The following CELF2 variants were observed in gnomAD, a reference collection of about 807,000 sequenced individuals.
CELF2 encodes the protein CUG triplet repeat RNA-binding protein 2.
A neutral mutation model predicts 62.6 loss-of-function variants in CELF2; 8 were observed. That is an observed-to-expected ratio of 0.13 (90% CI 0.07 to 0.23). The LOEUF is 0.23. Among genes scored for constraint, CELF2 ranks in the 10% least tolerant of loss-of-function variants. The probability of loss-of-function intolerance (pLI) is 1.00; values close to 1 mark genes in which losing one functional copy is unlikely to be tolerated. For synonymous variants in CELF2, 258 were observed against 250.0 expected (o/e 1.03, Z -0.30); for missense variants, 333 against 671.0 (o/e 0.50, Z 5.56).
chr10:10,855,889 ATGT>A (rs1489019314), intron 1 of CELF2, among the ~76,000 whole-genome samples: 1 of 152,160 alleles, frequency 6.6e-6, no homozygotes, highest in Non-Finnish European at 1.5e-5. Context: ...GCTATCTACT[ATGT>A]GTGATGATTC....
At chr10:11,186,466 A>G (rs537961631) in intron 2 of CELF2, among the ~76,000 whole-genome samples, 1 of 152,228 alleles carries the variant, frequency 6.6e-6, no homozygotes, top group Non-Finnish European at 1.5e-5. Flanking sequence ...ATAATGGTAT[A>G]TAATTCCTCC....
chr10:10,492,459 A>G, the CELF2 span, among the ~76,000 whole-genome samples: 2 of 141,824 alleles, frequency 1.4e-5, no homozygotes, highest in East Asian at 2.2e-4. Context: ...TTAAAGTATA[A>G]TAAATATATA....
chr10:11,122,608 G>A (rs1032642395), intron 1 of CELF2, among the ~76,000 whole-genome samples: 7 of 152,130 alleles, frequency 4.6e-5, no homozygotes, highest in African/African-American at 7.2e-5. Context: ...CTTGATAAAC[G>A]GTTATTAGGA....
At chr10:11,274,954 A>G (rs943978154) in intron 7 of CELF2, 103 bp from the exon 8 acceptor site, 20 of 1,124,170 alleles carry the variant, frequency 1.8e-5, no homozygotes, top group Non-Finnish European at 1.2e-5. Context: ...GGGAGTAGCA[A>G]CCAACCCTGG....
At chr10:11,002,968 G>A (rs1384754142), upstream of CELF2, among the ~76,000 whole-genome samples, 1 of 152,168 alleles carries the variant, frequency 6.6e-6, no homozygotes, top group African/African-American at 2.4e-5. The surrounding 1 kb of genome is among the most constrained non-coding windows in gnomAD (Gnocchi z 4.4). Context: ...TCTAGTGGGT[G>A]CATTAAGAAG....
intron 1 of CELF2, among the ~76,000 whole-genome samples, chr10:11,021,665 A>G (rs2138122059): frequency 6.6e-6 from 1 of 152,314 alleles, no homozygotes. Flanking sequence ...CATTTTACAG[A>G]TGATGCTTAA....
At chr10:10,511,046 G>A in the CELF2 span, among the ~76,000 whole-genome samples, 1 of 152,230 alleles carries the variant, frequency 6.6e-6, no homozygotes, top group South Asian at 2.1e-4. Context: ...CTTGGATTCA[G>A]TTCTGCATGA....
At chr10:11,323,648 T>C (rs2095571371) in intron 11 of CELF2, among the ~76,000 whole-genome samples, 2 of 152,076 alleles carry the variant, frequency 1.3e-5, no homozygotes, top group Admixed American at 1.3e-4. Context: ...TCCCCAGTTC[T>C]TTATGCCAGA....
chr10:11,334,896 T>C lies in CELF2; in HGVS notation c.*5843T>C, dbSNP rs934443407. ...AACTTAAGTCTATTATTTGTTGCCCTCAATCAAAAGATATGTATAGAAAAG... is the reference window on the plus strand; with the variant it reads ...AACTTAAGTCTATTATTTGTTGCCCCCAATCAAAAGATATGTATAGAAAAG... On this transcript the variant is annotated 3_prime_UTR_variant, in exon 13 of 13. Coordinates refer to ENST00000633077, the MANE Select transcript of CELF2 (RefSeq NM_001326342.2). The C allele has an allele frequency of 1.6e-4, 24 of 152,222 alleles. No individual in the cohort carries two copies. Among genetic ancestry groups the C allele is most frequent in the Non-Finnish European group, 3.4e-4 (23 of 68,046 alleles). The allele number at this position is 152,222 out of a possible 1,614,324, so 9.4% of individuals were successfully genotyped here.
chr10:11,322,678 T>C (rs541469273), intron 11 of CELF2, among the ~76,000 whole-genome samples: 125 of 152,298 alleles, frequency 8.2e-4, no homozygotes, highest in Middle Eastern at 3.4e-3. Context: ...GGTTTTTTCT[T>C]TGTATAAATA....
At chr10:10,537,216 C>A in the CELF2 span, among the ~76,000 whole-genome samples, 2 of 152,264 alleles carry the variant, frequency 1.3e-5, 1 homozygote, top group East Asian at 3.9e-4. Context: ...TAACCAAGAG[C>A]TCGTTGGCCA....
chr10:10,704,785 T>A, the CELF2 span, among the ~76,000 whole-genome samples: 55 of 152,310 alleles, frequency 3.6e-4, no homozygotes, highest in Admixed American at 3.3e-3. Flanking sequence ...AGTAGAAGTT[T>A]TAATTATGTT....
rs1279087301 is a variant in CELF2, at chr10:11,098,765, G to T, written c.75-66721G>T. Among the ~76,000 whole-genome samples, 4 of 152,192 alleles carry T rather than the reference G, an allele frequency of 2.6e-5. No homozygotes were observed. Among genetic ancestry groups the T allele is most frequent in the Non-Finnish European group, 5.9e-5 (4 of 68,040 alleles). ...TGCGGCCACTTTGTCCTTTATCTGT[G>T]TGGTTAATTTCTATGAACTGCTGGA... On this transcript the variant is annotated intron_variant, in intron 1 of 12. Transcript: ENST00000633077. This position sits in a 1 kb window ranked among gnomAD's most constrained non-coding sequence, Gnocchi z 4.0.
Position 11,083,202 on chromosome 10 carries a change from G to A in CELF2, c.74+65039G>A, listed in dbSNP as rs541094958. The stretch of plus-strand genomic sequence containing the variant: ...TCTGTTGACAGCTGACACCTCTTTT[G>A]GGAAAATAAAAATGAACTGGGGAAA... On this transcript the variant is annotated intron_variant, in intron 1 of 12. Coordinates refer to ENST00000633077, the MANE Select transcript of CELF2 (RefSeq NM_001326342.2). Among the ~76,000 whole-genome samples the A allele has an allele frequency of 5.9e-5, 9 of 152,182 alleles. No homozygotes were observed. In the East Asian group the frequency reaches 1.5e-3, roughly 26 times the overall value.
chr10:11,201,573 G>T (rs1336861709), intron 2 of CELF2, among the ~76,000 whole-genome samples: 1 of 152,200 alleles, frequency 6.6e-6, no homozygotes, highest in Non-Finnish European at 1.5e-5. Flanking sequence ...TTAGTCACGT[G>T]GCAAGGGGCA....
chr10:11,051,986 A>G (rs1165258392), intron 1 of CELF2, among the ~76,000 whole-genome samples: 7 of 150,552 alleles, frequency 4.6e-5, no homozygotes, highest in Non-Finnish European at 8.9e-5. Context: ...GCAACCTCCA[A>G]CCTCCACCTA....
At position 11,178,350 on chromosome 10, in the gene CELF2, G is replaced by T. The variant is rs2072004273; in HGVS notation, c.271+12668G>T. On this transcript the variant is annotated intron_variant, in intron 2 of 12. Coordinates refer to ENST00000633077, the MANE Select transcript of CELF2 (RefSeq NM_001326342.2). This position sits in a 1 kb window ranked among gnomAD's most constrained non-coding sequence, Gnocchi z 4.3. Reference sequence around the variant, plus strand: ...TAGCTGTTCTGCAAGTCCAGCACAGGGTGTATTCAGCTCTAGAGGTGGCAA... The same window carrying T: ...TAGCTGTTCTGCAAGTCCAGCACAGTGTGTATTCAGCTCTAGAGGTGGCAA... Among the ~76,000 whole-genome samples, 1 of 152,184 alleles carries T rather than the reference G, an allele frequency of 6.6e-6. No individual in the cohort carries two copies. The highest frequency in any genetic ancestry group is 1.5e-5 in the Non-Finnish European group (1 of 68,032).
chr10:11,240,465 C>T (rs1302730479), intron 3 of CELF2, among the ~76,000 whole-genome samples: 1 of 152,358 alleles, frequency 6.6e-6, no homozygotes, highest in East Asian at 1.9e-4. Flanking sequence ...ACATTTCAGA[C>T]AGCTGGCCCT....
intron 1 of CELF2, among the ~76,000 whole-genome samples, chr10:10,909,960 C>T (rs1257886739): frequency 1.3e-5 from 2 of 151,990 alleles, no homozygotes; most frequent in African/African-American, 4.8e-5. Context: ...TGAATAAATG[C>T]TAATGAATTC....
Sources: allele counts gnomAD v4.1 joint callset (sites outside exome capture counted in the v4.1 genomes callset), GRCh38; gene constraint gnomAD v4.1.1; non-coding constraint Gnocchi (gnomAD v3.1); transcripts MANE v1.5; gene names NCBI Gene and HGNC (gene_info 2026-07-23, HGNC 2026-07-21).